The following USP34 variants were observed in gnomAD, a reference collection of about 807,000 sequenced individuals.
USP34 encodes ubiquitin carboxyl-terminal hydrolase 34.
Under a neutral mutation model 460.3 loss-of-function variants are expected in USP34, and 70 were observed. The ratio of observed to expected loss-of-function variants is 0.15; its 90% CI spans 0.13 to 0.19. The LOEUF (loss-of-function observed/expected upper bound fraction) is 0.19. USP34 is among the 10% of genes least tolerant of loss of function. The pLI, the probability that USP34 is intolerant of heterozygous loss-of-function variation, is 1.00. For missense variants in USP34, 3,985 were observed against 4,236.2 expected, an observed-to-expected ratio of 0.94 and a Z score of 1.65; for synonymous variants, 1,647 against 1,405.3, an observed-to-expected ratio of 1.17 and a Z score of -3.85.
chr2:61,433,062 C>T (rs1573036354), intron 1 of USP34, among the ~76,000 whole-genome samples: 1 of 152,156 alleles, frequency 6.6e-6, no homozygotes, highest in Admixed American at 6.5e-5. Flanking sequence ...AGCATTCATC[C>T]TACACACAAG....
chr2:61,348,893 A>G lies in USP34; in HGVS notation c.1544-7T>C. Reference sequence around the variant, plus strand: ...GGACTAGCTGCAGGTGACCCTATATAAAATACATTTTTTGTTTTTACTTCT... The same window carrying G: ...GGACTAGCTGCAGGTGACCCTATATGAAATACATTTTTTGTTTTTACTTCT... On this transcript the variant is annotated splice_region_variant and splice_polypyrimidine_tract_variant and intron_variant, in intron 13 of 79. Coordinates refer to ENST00000398571, the MANE Select transcript of USP34 (RefSeq NM_014709.4). 1.3e-6 allele frequency: 2 copies of G among 1,592,078 alleles called. No individual in the cohort carries two copies. The highest frequency in any genetic ancestry group is 1.7e-6 in the Non-Finnish European group (2 of 1,173,418).
intron 5 of USP34, among the ~76,000 whole-genome samples, chr2:61,393,922 G>A (rs1693434360): frequency 6.6e-6 from 1 of 152,104 alleles, no homozygotes; most frequent in Non-Finnish European, 1.5e-5. Flanking sequence ...TGGATCATGA[G>A]GTCAGGAGTT....
At chr2:61,381,001 C>G (rs1302060659) in intron 6 of USP34, among the ~76,000 whole-genome samples, 1 of 152,140 alleles carries the variant, frequency 6.6e-6, no homozygotes, top group Non-Finnish European at 1.5e-5. Context: ...ACAAAACTAC[C>G]TAGCTAGCAT....
chr2:61,194,119 G>C, intron 75 of USP34: 1 of 985,400 alleles, frequency 1.0e-6, no homozygotes. Context: ...CCAAGGACTT[G>C]AGAACATCCT....
chr2:61,387,731 A>G (rs1372736276), intron 5 of USP34, among the ~76,000 whole-genome samples: 1 of 148,620 alleles, frequency 6.7e-6, no homozygotes, highest in Non-Finnish European at 1.5e-5. Context: ...GTATACACAC[A>G]TGTAAAAATA....
intron 43 of USP34, among the ~76,000 whole-genome samples, chr2:61,260,341 G>C (rs954471635): frequency 6.6e-6 from 1 of 152,094 alleles, no homozygotes; most frequent in Admixed American, 6.5e-5. Flanking sequence ...AAGCCTTATA[G>C]GAAAGATCCA....
chr2:61,467,421 A>AT (rs1237737675), intron 1 of USP34, among the ~76,000 whole-genome samples: 2 of 151,904 alleles, frequency 1.3e-5, no homozygotes, highest in Non-Finnish European at 2.9e-5. Context: ...CCGAGGCGGG[A>AT]TTACAGGGGC....
Position 61,311,430 on chromosome 2 carries a change from A to T in USP34, c.3817+110T>A, listed in dbSNP as rs141492037. ...ACAGTTGCTATATGATATAACCAAGAAAGAAAAGAAAAGGAGAATAAAAGA... is the reference window on the plus strand; with the variant it reads ...ACAGTTGCTATATGATATAACCAAGTAAGAAAAGAAAAGGAGAATAAAAGA... On this transcript the variant is annotated intron_variant, in intron 27 of 79. Transcript: ENST00000398571. 7,937 of 1,181,840 alleles carry T rather than the reference A, an allele frequency of 6.7e-3. 41 individuals are homozygous for T. The highest frequency in any genetic ancestry group is 8.2e-3 in the Non-Finnish European group (7,203 of 875,500). 73.2% of individuals were successfully genotyped at this position (1,181,840 alleles called of 1,614,324 possible).
At chr2:61,204,217 T>C in intron 74 of USP34, 39 bp downstream of exon 74, 1 of 1,613,602 alleles carries the variant, frequency 6.2e-7, no homozygotes, top group Non-Finnish European at 8.5e-7. Context: ...AATTACTTTG[T>C]ACTATAGCAA....
chr2:61,279,823 A>G (rs542817300), intron 39 of USP34, among the ~76,000 whole-genome samples: 3 of 152,356 alleles, frequency 2.0e-5, no homozygotes, highest in Non-Finnish European at 4.4e-5. Flanking sequence ...TTAGTCCAGT[A>G]TAAGAAAATT....
chr2:61,363,149 CAAT>C (rs1217757667), intron 10 of USP34, among the ~76,000 whole-genome samples: 1 of 152,052 alleles, frequency 6.6e-6, no homozygotes, highest in Non-Finnish European at 1.5e-5. Flanking sequence ...ATAAAAACCA[CAAT>C]GAGATACAAA....
At position 61,235,442 on chromosome 2, in the gene USP34, C is replaced by T. The variant is rs1688039782; in HGVS notation, c.7032+403G>A. 2.0e-5 allele frequency among the ~76,000 whole-genome samples: 3 copies of T among 151,710 alleles called. No individual in the cohort carries two copies. The South Asian group carries it at 6.2e-4, about 32-fold the overall frequency. ...CCAGGTTCAAGCGATTCTCCTGCCT[C>T]CGCCTCCCGAGGTGCTGGGACTACA... On this transcript the variant is annotated intron_variant, in intron 57 of 79. Coordinates refer to ENST00000398571, the MANE Select transcript of USP34 (RefSeq NM_014709.4).
At chr2:61,224,526 C>A (rs1415291063) in intron 62 of USP34, among the ~76,000 whole-genome samples, 1 of 152,188 alleles carries the variant, frequency 6.6e-6, no homozygotes, top group Non-Finnish European at 1.5e-5. Flanking sequence ...CAGTGATATT[C>A]TAATTCCAAT....
chr2:61,263,730 C>T (rs1688965853), intron 43 of USP34, among the ~76,000 whole-genome samples: 1 of 152,114 alleles, frequency 6.6e-6, no homozygotes, highest in Non-Finnish European at 1.5e-5. Context: ...GATCCACCGA[C>T]CTCTGCCTCC....
intron 65 of USP34, among the ~76,000 whole-genome samples, chr2:61,222,020 A>G (rs546850439): frequency 6.6e-6 from 1 of 152,230 alleles, no homozygotes; most frequent in East Asian, 1.9e-4. Flanking sequence ...ATTTTCAAGT[A>G]TAATTAACTG....
chr2:61,229,468 A>ACAC (rs1409301133), intron 59 of USP34, 80 bp downstream of exon 59: 1 of 628,322 alleles, frequency 1.6e-6, no homozygotes, highest in Non-Finnish European at 2.3e-6. Flanking sequence ...AAAAAAAAAA[A>ACAC]AAAAAAACAA....
chr2:61,253,755 G>A (rs1688649252), intron 48 of USP34, among the ~76,000 whole-genome samples: 1 of 147,062 alleles, frequency 6.8e-6, no homozygotes, highest in African/African-American at 2.5e-5. Flanking sequence ...TTTTTTTTGA[G>A]ACATAGTCTT....
chr2:61,365,559 A>AG (rs1692411428), intron 10 of USP34, among the ~76,000 whole-genome samples: 4 of 152,110 alleles, frequency 2.6e-5, no homozygotes, highest in Admixed American at 2.6e-4. Flanking sequence ...ATTTCTCTTC[A>AG]GGAAAAAAAA....
chr2:61,269,298 C>A (rs1689144029), intron 41 of USP34, among the ~76,000 whole-genome samples: 1 of 149,892 alleles, frequency 6.7e-6, no homozygotes, highest in African/African-American at 2.5e-5. Context: ...GTAGCTTGGA[C>A]TATAGATGCT....
Sources: allele counts gnomAD v4.1 joint callset (sites outside exome capture counted in the v4.1 genomes callset), GRCh38; gene constraint gnomAD v4.1.1; transcripts MANE v1.5; gene names NCBI Gene and HGNC (gene_info 2026-07-23, HGNC 2026-07-21).